Variants in KIRREL1 observed in about 807,000 individuals in gnomAD.
KIRREL1 encodes the protein kin of IRRE-like protein 1.
Under a neutral mutation model 83.3 loss-of-function variants are expected in KIRREL1, and 25 were observed. The observed-to-expected ratio is 0.30, with a 90% CI of 0.22 to 0.42. KIRREL1 has a LOEUF of 0.42. KIRREL1 is among the 10% of genes least tolerant of loss of function. KIRREL1 has a pLI of 1.00. For missense variants in KIRREL1, 812 were observed against 1,032.3 expected, an observed-to-expected ratio of 0.79 and a Z score of 2.92; for synonymous variants, 388 against 410.4, an observed-to-expected ratio of 0.95 and a Z score of 0.66.
chr1:158,064,698 G>A (rs2101609808), intron 1 of KIRREL1, among the ~76,000 whole-genome samples: 1 of 152,290 alleles, frequency 6.6e-6, no homozygotes, highest in South Asian at 2.1e-4. Flanking sequence ...TTGTATGGAA[G>A]GGGCAGTGAT....
At chr1:157,994,879 C>T (rs1478863025) in intron 1 of KIRREL1, among the ~76,000 whole-genome samples, 4 of 152,268 alleles carry the variant, frequency 2.6e-5, no homozygotes, top group African/African-American at 9.6e-5. Context: ...TCCCCCAGAT[C>T]GGCACACACT....
chr1:158,064,228 C>T (rs779184177), intron 1 of KIRREL1, among the ~76,000 whole-genome samples: 20 of 152,164 alleles, frequency 1.3e-4, no homozygotes, highest in Non-Finnish European at 2.8e-4. Context: ...GACTAGACTC[C>T]AGGTCTGAAT....
intron 1 of KIRREL1, among the ~76,000 whole-genome samples, chr1:158,069,834 C>T (rs1661462401): frequency 6.6e-6 from 1 of 152,144 alleles, no homozygotes; most frequent in Admixed American, 6.5e-5. Flanking sequence ...ATTGTGCCTA[C>T]CTTATTGGGT....
At chr1:158,088,182 G>A (rs1170356575) in intron 7 of KIRREL1, 28 bp downstream of exon 7, 3 of 1,613,998 alleles carry the variant, frequency 1.9e-6, no homozygotes, top group South Asian at 1.1e-5. Context: ...CAGGGACGGG[G>A]ACAGAGAGCA....
At chr1:158,018,259 C>T (rs1224412063) in intron 1 of KIRREL1, among the ~76,000 whole-genome samples, 1 of 152,150 alleles carries the variant, frequency 6.6e-6, no homozygotes, top group Non-Finnish European at 1.5e-5. Context: ...GGCCTGAAGC[C>T]TCAGGCTCTG....
intron 1 of KIRREL1, among the ~76,000 whole-genome samples, chr1:157,996,094 G>T (rs990590161): frequency 1.3e-5 from 2 of 148,684 alleles, no homozygotes; most frequent in Admixed American, 1.3e-4. Flanking sequence ...AGGGATGGGG[G>T]AGTAGGTGTC....
At chr1:158,076,418 A>G (rs1053217438) in intron 2 of KIRREL1, among the ~76,000 whole-genome samples, 156 bp downstream of exon 2, 2 of 152,020 alleles carry the variant, frequency 1.3e-5, no homozygotes, top group Non-Finnish European at 2.9e-5. Context: ...CTCCATTTCT[A>G]CAGCTTTCCC....
intron 1 of KIRREL1, among the ~76,000 whole-genome samples, chr1:158,067,226 T>G (rs1661379292): frequency 6.6e-6 from 1 of 152,156 alleles, no homozygotes; most frequent in East Asian, 1.9e-4. Flanking sequence ...CTATCCTCCT[T>G]GCACCACCAT....
chr1:158,019,301 A>G (rs911171753), intron 1 of KIRREL1, among the ~76,000 whole-genome samples: 9 of 151,576 alleles, frequency 5.9e-5, no homozygotes, highest in African/African-American at 9.8e-5. Context: ...GGGAAGGTGG[A>G]AAAAAAAGGC....
At chr1:158,089,401 G>C in intron 8 of KIRREL1, 101 bp from the exon 9 acceptor site, 1 of 1,564,382 alleles carries the variant, frequency 6.4e-7, no homozygotes, top group Non-Finnish European at 8.6e-7. Context: ...TTCACTTGTG[G>C]CCCTTCCTGC....
chr1:158,069,302 TTGTGTG>T (rs57076623), intron 1 of KIRREL1, among the ~76,000 whole-genome samples: 59,839 of 143,160 alleles, frequency 0.42, 12,751 homozygotes, highest in East Asian at 0.63. Context: ...TATGACGTAC[TTGTGTG>T]TGTGTGTGTG....
intron 1 of KIRREL1, among the ~76,000 whole-genome samples, chr1:158,070,988 C>A (rs565406457): frequency 5.9e-5 from 9 of 152,260 alleles, no homozygotes; most frequent in Admixed American, 5.2e-4. Flanking sequence ...GTGAGAAAAA[C>A]GGAGTGTCCA....
chr1:158,029,370 C>CTGTGTGTGTGTGTGTGT (rs1258028201), intron 1 of KIRREL1, among the ~76,000 whole-genome samples: 4 of 10,454 alleles, frequency 3.8e-4, no homozygotes, highest in Non-Finnish European at 9.3e-4. Context: ...TGTGTGTGCA[C>CTGTGTGTGTGTGTGTGT]GTGCGCGCGC....
rs1296999444 is a variant in KIRREL1 at position 158,078,110 on chromosome 1, C to T, written c.322C>T (p.Arg108Cys). 9 of 1,614,102 alleles carry T rather than the reference C, an allele frequency of 5.6e-6. No individual in the cohort carries two copies. The highest frequency in any genetic ancestry group is 2.2e-5 in the East Asian group (1 of 44,882). ...GTGCCAGGCCACGGAGGCCGCCCTG[C>T]GCTCTCGGCGGGCCAAACTCACCGT... ...YECQATEAAL[R>C]SRRAKLTVLI... is the part of the protein sequence containing the mutation. The change falls in exon 3 of 15, where the codon CGC (arginine) becomes TGC (cysteine). Residue 108 changes from arginine to cysteine, a missense_variant. Physicochemically the swap from Arg to Cys is radical, Grantham distance 180. This residue lies in a region of KIRREL1 where 472 missense variants were observed against 626.8 expected (regional missense o/e 0.75). Transcript: ENST00000359209.
chr1:158,040,904 G>A (rs1333731613), intron 1 of KIRREL1, among the ~76,000 whole-genome samples: 1 of 152,092 alleles, frequency 6.6e-6, no homozygotes, highest in African/African-American at 2.4e-5. Context: ...AAATAATGGA[G>A]GTTTGTAAGC....
intron 1 of KIRREL1, among the ~76,000 whole-genome samples, chr1:157,996,784 C>A (rs1354601305): frequency 6.6e-6 from 1 of 152,250 alleles, no homozygotes; most frequent in African/African-American, 2.4e-5. Context: ...GGGTTCCTCT[C>A]TTTGACCTTG....
intron 1 of KIRREL1, among the ~76,000 whole-genome samples, chr1:158,063,757 GA>G (rs1311351299): frequency 6.6e-6 from 1 of 152,166 alleles, no homozygotes. Context: ...TGCTTACCAG[GA>G]AAACTCCTAC....
In KIRREL1 at chr1:158,067,202, C is replaced by G. The variant is rs570376356; in HGVS notation, c.53-8911C>G. ...GGCTGGCAGGTCGCTTCAGGGATCT[C>G]AGCTGCCTGATCTCTATCCTCCTTG... On this transcript the variant is annotated intron_variant, in intron 1 of 14. Coordinates refer to ENST00000359209, the MANE Select transcript of KIRREL1 (RefSeq NM_018240.7). Among the ~76,000 whole-genome samples the G allele has an allele frequency of 2.6e-5, 4 of 152,276 alleles. No homozygotes were observed. The South Asian group carries it at 8.3e-4, about 32-fold the overall frequency.
chr1:158,060,133 A>T (rs1286989526), intron 1 of KIRREL1, among the ~76,000 whole-genome samples: 1 of 152,198 alleles, frequency 6.6e-6, no homozygotes. Flanking sequence ...GACAGCGACC[A>T]TCTGCCACCC....
Sources: gnomAD v4.1 joint callset for allele counts (sites outside exome capture counted in the v4.1 genomes callset) on GRCh38, gnomAD v4.1.1 for gene constraint, gnomAD v4.1.1 regional missense constraint, MANE v1.5 for transcripts, NCBI Gene and HGNC (gene_info 2026-07-23, HGNC 2026-07-21) for gene names.